Variants in ASXL2 observed in about 807,000 individuals in gnomAD.
The protein encoded by ASXL2 is ASXL transcriptional regulator 2.
ASXL2 carries 23 observed loss-of-function variants against 122.0 expected under a neutral mutation model. The ratio of observed to expected loss-of-function variants is 0.19; its 90% CI spans 0.14 to 0.27. The LOEUF (loss-of-function observed/expected upper bound fraction) is 0.27. Among genes scored for constraint, ASXL2 ranks in the 10% least tolerant of loss-of-function variants. The pLI, the probability that ASXL2 is intolerant of heterozygous loss-of-function variation, is 1.00. For missense variants in ASXL2, 1,518 were observed against 1,713.8 expected, an observed-to-expected ratio of 0.89 and a Z score of 2.02; for synonymous variants, 650 against 637.0, an observed-to-expected ratio of 1.02 and a Z score of -0.31.
At chr2:25,805,413 T>C (rs887512596) in intron 4 of ASXL2, among the ~76,000 whole-genome samples, 4 of 152,152 alleles carry the variant, frequency 2.6e-5, no homozygotes, top group Admixed American at 6.5e-5. Flanking sequence ...ATTTCAGGTA[T>C]ATAATAGTCT....
intron 1 of ASXL2, among the ~76,000 whole-genome samples, chr2:25,849,064 C>CATATATATATATATATATATAATATAT (rs139200567): frequency 1.2e-5 from 1 of 86,516 alleles, no homozygotes; most frequent in Non-Finnish European, 2.0e-5. Flanking sequence ...AAAAAATTTA[C>CATATATATATATATATATATAATATAT]ATATATATAT....
chr2:25,851,467 C>T (rs2089715289), intron 1 of ASXL2, among the ~76,000 whole-genome samples: 1 of 152,134 alleles, frequency 6.6e-6, no homozygotes, highest in South Asian at 2.1e-4. Context: ...ACTACAAACC[C>T]TTTCTTCCAG....
intron 3 of ASXL2, among the ~76,000 whole-genome samples, chr2:25,810,946 T>TGG (rs2089159807): frequency 6.6e-6 from 1 of 151,994 alleles, no homozygotes; most frequent in African/African-American, 2.4e-5. Flanking sequence ...AGTATAATCT[T>TGG]CTGGGCACTG....
chr2:25,780,653 A>G (rs2088619331), intron 5 of ASXL2, among the ~76,000 whole-genome samples: 1 of 152,230 alleles, frequency 6.6e-6, no homozygotes, highest in East Asian at 1.9e-4. Context: ...ATTGTTCTTA[A>G]TCTCTGCCAT....
At position 25,872,583 on chromosome 2, in the gene ASXL2, T is replaced by G. The variant is rs529590589; in HGVS notation, c.57+5583A>C. ...AAAAGCACCCAACAAAACAGATAAA[T>G]CACTAGCAAAATTAATAAAGAAGAT... is the stretch of plus-strand genomic sequence containing the variant. On this transcript the variant is annotated intron_variant, in intron 1 of 12. Coordinates refer to ENST00000435504, the MANE Select transcript of ASXL2 (RefSeq NM_018263.6). Among the ~76,000 whole-genome samples the G allele has an allele frequency of 2.8e-4, 43 of 152,088 alleles. No homozygotes were observed. The South Asian group carries it at 8.5e-3, about 30-fold the overall frequency.
intron 1 of ASXL2, among the ~76,000 whole-genome samples, chr2:25,874,804 G>A (rs1487354567): frequency 1.3e-5 from 2 of 152,144 alleles, no homozygotes; most frequent in Non-Finnish European, 2.9e-5. Flanking sequence ...ATGCAGCTGA[G>A]TATAGTGGAC....
chr2:25,822,679 G>C (rs2149182328), intron 3 of ASXL2: 7 of 693,384 alleles, frequency 1.0e-5, no homozygotes, highest in South Asian at 9.4e-5. Context: ...AAAACGGACA[G>C]ATCAATTGTA....
intron 1 of ASXL2, among the ~76,000 whole-genome samples, chr2:25,866,745 G>A (rs1043348785): frequency 5.3e-5 from 8 of 151,930 alleles, no homozygotes; most frequent in Non-Finnish European, 1.0e-4. Context: ...TTTTTTAAAA[G>A]AATCTGAGAT....
chr2:25,769,005 T>C (rs2088400550), intron 6 of ASXL2, 137 bp from the exon 7 acceptor site: 1 of 1,019,756 alleles, frequency 9.8e-7, no homozygotes, highest in African/African-American at 1.6e-5. Context: ...AACAAAAACC[T>C]AAATTAAGCT....
At chr2:25,766,989 A>G (rs565730214) in intron 8 of ASXL2, among the ~76,000 whole-genome samples, 238 of 152,228 alleles carry the variant, frequency 1.6e-3, no homozygotes, top group African/African-American at 5.5e-3. Context: ...ATCCCTGGCA[A>G]CTGCTCTTCA....
intron 8 of ASXL2, among the ~76,000 whole-genome samples, chr2:25,762,244 A>G (rs2088265528): frequency 6.6e-6 from 1 of 151,456 alleles, no homozygotes; most frequent in African/African-American, 2.4e-5. Context: ...CCACTAAAAG[A>G]GAAATTGAGT....
intron 1 of ASXL2, among the ~76,000 whole-genome samples, chr2:25,850,950 C>A (rs2089708727): frequency 6.6e-6 from 1 of 152,036 alleles, no homozygotes; most frequent in East Asian, 1.9e-4. Context: ...ACCAGCCTGG[C>A]CAACATGGTG....
intron 2 of ASXL2, among the ~76,000 whole-genome samples, chr2:25,841,892 A>G (rs1246360258): frequency 1.3e-5 from 2 of 150,674 alleles, no homozygotes. Flanking sequence ...GCTTGCAGTG[A>G]GCTGAGATGG....
chr2:25,844,613 A>C (rs555344332), intron 2 of ASXL2, among the ~76,000 whole-genome samples: 38 of 151,700 alleles, frequency 2.5e-4, no homozygotes, highest in African/African-American at 3.1e-4. Flanking sequence ...AACAAAAAAA[A>C]ACACACACAC....
chr2:25,820,780 T>C (rs977139513), intron 3 of ASXL2, among the ~76,000 whole-genome samples: 1 of 152,142 alleles, frequency 6.6e-6, no homozygotes, highest in Non-Finnish European at 1.5e-5. Flanking sequence ...CCTAACACTT[T>C]GGGAGGCTGA....
intron 8 of ASXL2, among the ~76,000 whole-genome samples, chr2:25,766,184 T>C (rs998358672): frequency 1.3e-5 from 2 of 152,184 alleles, no homozygotes; most frequent in African/African-American, 4.8e-5. Context: ...GAAGTATTTT[T>C]CTTCTTTCTG....
rs960137844 is a variant in ASXL2 at position 25,738,526 on chromosome 2, AAG to A, written c.*3501_*3502del. On this transcript the variant is annotated 3_prime_UTR_variant, in exon 13 of 13. Coordinates refer to ENST00000435504, the MANE Select transcript of ASXL2 (RefSeq NM_018263.6). ...GCTATGATGTGAAACCTCTAGGTCA[AAG>A]AGAAAACACTCTGGCACTGCTCACT... is the stretch of plus-strand genomic sequence containing the variant. The A allele has an allele frequency of 2.0e-5, 3 of 152,184 alleles. No individual in the cohort carries two copies. Among genetic ancestry groups the A allele is most frequent in the African/African-American group, 7.2e-5 (3 of 41,448 alleles). The allele number at this position is 152,184 out of a possible 1,614,324, so 9.4% of individuals were successfully genotyped here.
chr2:25,833,947 G>C (rs2089481754), intron 3 of ASXL2, among the ~76,000 whole-genome samples: 1 of 152,098 alleles, frequency 6.6e-6, no homozygotes, highest in African/African-American at 2.4e-5. Context: ...CCTAATTTCA[G>C]AGCCCGTTTC....
At chr2:25,824,007 G>A (rs1301875092) in intron 3 of ASXL2, among the ~76,000 whole-genome samples, 2 of 152,126 alleles carry the variant, frequency 1.3e-5, no homozygotes, top group African/African-American at 4.8e-5. Flanking sequence ...ATCTGTAATA[G>A]AATATTGTAG....
Sources: allele counts gnomAD v4.1 joint callset (sites outside exome capture counted in the v4.1 genomes callset), GRCh38; gene constraint gnomAD v4.1.1; transcripts MANE v1.5; gene names NCBI Gene and HGNC (gene_info 2026-07-23, HGNC 2026-07-21).